The following ROBO1 variants were observed in gnomAD, a reference collection of about 807,000 sequenced individuals.
The protein encoded by ROBO1 is roundabout homolog 1.
ROBO1 carries 149 observed loss-of-function variants against 195.9 expected under a neutral mutation model. The ratio of observed to expected loss-of-function variants is 0.76; its 90% confidence interval spans 0.67 to 0.87. ROBO1 has a LOEUF of 0.87. Among genes scored for constraint, ROBO1 ranks in the 40% least tolerant of loss-of-function variants. ROBO1 has a pLI of 0.00. For synonymous variants in ROBO1, 816 were observed against 733.2 expected, an observed-to-expected ratio of 1.11 and a Z score of -1.82; for missense variants, 1,933 against 2,068.3, an observed-to-expected ratio of 0.93 and a Z score of 1.27.
At chr3:79,585,311 G>A (rs1456881750) in intron 2 of ROBO1, among the ~76,000 whole-genome samples, 1 of 151,714 alleles carries the variant, frequency 6.6e-6, no homozygotes, top group Non-Finnish European at 1.5e-5. Context: ...AAATTTAGGG[G>A]GAATTGTACC....
intron 1 of ROBO1, among the ~76,000 whole-genome samples, chr3:79,646,916 G>A (rs953033899): frequency 1.3e-5 from 2 of 152,036 alleles, no homozygotes; most frequent in African/African-American, 4.8e-5. Flanking sequence ...AGGCTAAGAG[G>A]GAAAGGGGAT....
chr3:79,712,446 C>G (rs1303772974), intron 1 of ROBO1, among the ~76,000 whole-genome samples: 1 of 152,124 alleles, frequency 6.6e-6, no homozygotes, highest in Non-Finnish European at 1.5e-5. Context: ...CTCTAACTCT[C>G]TCCAATTCTA....
At chr3:78,823,004 A>G (rs1331266524) in intron 4 of ROBO1, among the ~76,000 whole-genome samples, 1 of 152,132 alleles carries the variant, frequency 6.6e-6, no homozygotes, top group Non-Finnish European at 1.5e-5. Flanking sequence ...ATTTCCTTTC[A>G]CCACAAATTC....
intron 1 of ROBO1, among the ~76,000 whole-genome samples, chr3:79,645,397 G>A (rs1945789515): frequency 6.6e-6 from 1 of 152,048 alleles, no homozygotes; most frequent in Admixed American, 6.6e-5. Context: ...AGTTACTCAG[G>A]AGGCTGGGGC....
chr3:79,392,952 T>C (rs1341188539), intron 2 of ROBO1, among the ~76,000 whole-genome samples: 1 of 152,166 alleles, frequency 6.6e-6, no homozygotes, highest in Admixed American at 6.5e-5. Context: ...CCTAACCTAG[T>C]CAAATCTGGA....
intron 2 of ROBO1, among the ~76,000 whole-genome samples, chr3:79,524,960 T>G (rs111667212): frequency 0.016 from 2,407 of 151,978 alleles, 50 homozygotes; most frequent in African/African-American, 0.053. Context: ...TACATATATA[T>G]AGAGAGAGAA....
intron 2 of ROBO1, among the ~76,000 whole-genome samples, chr3:79,481,491 C>T (rs1476698636): frequency 1.3e-5 from 2 of 152,172 alleles, no homozygotes; most frequent in Non-Finnish European, 2.9e-5. Flanking sequence ...CACTGGCCTG[C>T]TTCAAAGAGG....
chr3:78,840,796 C>T (rs569198263), intron 4 of ROBO1, among the ~76,000 whole-genome samples: 1 of 152,212 alleles, frequency 6.6e-6, no homozygotes, highest in African/African-American at 2.4e-5. Context: ...TGCGGTGGCT[C>T]ACACCTGTAA....
chr3:79,611,431 G>T (rs765450497), intron 1 of ROBO1, among the ~76,000 whole-genome samples: 72 of 151,900 alleles, frequency 4.7e-4, no homozygotes, highest in Non-Finnish European at 9.4e-4. Flanking sequence ...AATGAAAATG[G>T]TATTTGGAAT....
chr3:79,369,446 G>T (rs1336466157), intron 2 of ROBO1, among the ~76,000 whole-genome samples: 1 of 152,120 alleles, frequency 6.6e-6, no homozygotes, highest in Non-Finnish European at 1.5e-5. Flanking sequence ...CTACACTCTT[G>T]TTCTAACCTT....
intron 2 of ROBO1, among the ~76,000 whole-genome samples, chr3:79,404,687 C>T (rs570473417): frequency 6.6e-6 from 1 of 152,052 alleles, no homozygotes; most frequent in Non-Finnish European, 1.5e-5. Flanking sequence ...TGGAAAGAGA[C>T]ATAGGATGAA....
At chr3:79,195,950 GGTT>G (rs1019962169) in intron 2 of ROBO1, among the ~76,000 whole-genome samples, 1 of 151,410 alleles carries the variant, frequency 6.6e-6, no homozygotes, top group Admixed American at 6.6e-5. Context: ...ATATTAAACA[GGTT>G]GTTAGTTAAT....
rs115525895 is a variant in ROBO1, at chr3:78,791,500, C to T, written c.500-44600G>A. ...TGCAGAGAATGGATATATCCTGAAT[C>T]TAATAAAGTTCAAGCTTTAAAAACC... On this transcript the variant is annotated intron_variant, in intron 4 of 30. Coordinates refer to ENST00000464233, the MANE Select transcript of ROBO1 (RefSeq NM_002941.4). 7.7e-3 allele frequency among the ~76,000 whole-genome samples: 1,168 copies of T among 152,286 alleles called. 17 individuals carry two copies. The highest frequency in any genetic ancestry group is 0.025 in the African/African-American group (1,047 of 41,564).
At chr3:79,508,772 C>T (rs1041446417) in intron 2 of ROBO1, among the ~76,000 whole-genome samples, 26 of 152,246 alleles carry the variant, frequency 1.7e-4, no homozygotes, top group African/African-American at 5.8e-4. Context: ...AAGTGACCTT[C>T]TTCTATTTAG....
intron 3 of ROBO1, among the ~76,000 whole-genome samples, chr3:78,997,194 C>T (rs1261560645): frequency 6.6e-6 from 1 of 152,184 alleles, no homozygotes. Context: ...TCCACTCCAA[C>T]TTTGCCAAAA....
intron 1 of ROBO1, among the ~76,000 whole-genome samples, chr3:79,594,118 C>G (rs1212880956): frequency 6.6e-6 from 1 of 151,926 alleles, no homozygotes; most frequent in African/African-American, 2.4e-5. Context: ...TTTAAGAATC[C>G]TCTCAACAAG....
intron 2 of ROBO1, among the ~76,000 whole-genome samples, chr3:79,496,031 G>T (rs184914705): frequency 6.6e-6 from 1 of 151,926 alleles, no homozygotes; most frequent in African/African-American, 2.4e-5. Context: ...TGGCCAACAT[G>T]GTGAAACCCC....
At chr3:79,735,727 C>G (rs1283804755) in intron 1 of ROBO1, among the ~76,000 whole-genome samples, 1 of 151,962 alleles carries the variant, frequency 6.6e-6, no homozygotes, top group Non-Finnish European at 1.5e-5. Context: ...AAAAATTAGC[C>G]AGGCGTGGTG....
chr3:78,909,057 G>A (rs1234657795), intron 4 of ROBO1, among the ~76,000 whole-genome samples: 1 of 151,740 alleles, frequency 6.6e-6, no homozygotes, highest in Admixed American at 6.6e-5. Flanking sequence ...CATACAGATG[G>A]TGAGGCAGAA....
Sources: allele counts gnomAD v4.1 joint callset (sites outside exome capture counted in the v4.1 genomes callset), GRCh38; gene constraint gnomAD v4.1.1; transcripts MANE v1.5; gene names NCBI Gene and HGNC (gene_info 2026-07-23, HGNC 2026-07-21).